Variants in TMEM116 observed in about 807,000 individuals in gnomAD.
TMEM116 encodes transmembrane protein 116.
Under a neutral mutation model 44.3 loss-of-function variants are expected in TMEM116, and 38 were observed. That is an observed-to-expected ratio of 0.86 (90% CI 0.66 to 1.12). TMEM116 has a LOEUF of 1.12. Among genes scored for constraint, TMEM116 ranks in the 50% most tolerant of loss-of-function variants. The probability of loss-of-function intolerance (pLI) is 0.00; values close to 1 mark genes in which losing one functional copy is unlikely to be tolerated. For synonymous variants in TMEM116, 132 were observed against 144.8 expected, an observed-to-expected ratio of 0.91 and a Z score of 0.64; for missense variants, 354 against 401.7, an observed-to-expected ratio of 0.88 and a Z score of 1.01.
At chr12:112,004,173 G>C (rs2077442992) in intron 2 of TMEM116, among the ~76,000 whole-genome samples, 1 of 152,024 alleles carries the variant, frequency 6.6e-6, no homozygotes, top group Non-Finnish European at 1.5e-5. Flanking sequence ...TAGTGATAGG[G>C]TCTTGCTATG....
Position 111,936,697 on chromosome 12 carries a change from T to C in TMEM116, c.583A>G (p.Ile195Val). Residue 195 changes from isoleucine (I) to valine (V), a missense_variant, in exon 8 of 11, where the codon ATT (isoleucine) becomes GTT (valine). Coordinates refer to ENST00000552374, the MANE Select transcript of TMEM116 (RefSeq NM_001193531.2). Reference protein sequence around the residue: ...LGSFVLSLLTIMVLLIRAQTL... With the variant: ...LGSFVLSLLTVMVLLIRAQTL... ...AAGGTAGGGTGGTACCATACCATAA[T>C]GGTAAGGAGGCTGAGTACAAAGCTG... The C allele has an allele frequency of 6.2e-7, 1 of 1,613,778 alleles. No individual in the cohort carries two copies. Among genetic ancestry groups the C allele is most frequent in the Non-Finnish European group, 8.5e-7 (1 of 1,179,882 alleles).
chr12:111,979,962 C>T (rs1319294415), intron 4 of TMEM116, among the ~76,000 whole-genome samples: 1 of 152,176 alleles, frequency 6.6e-6, no homozygotes, highest in Non-Finnish European at 1.5e-5. Context: ...AGTAGAAACT[C>T]TCATTTATTG....
At chr12:111,999,269 T>A (rs542719585) in intron 3 of TMEM116, among the ~76,000 whole-genome samples, 1 of 152,316 alleles carries the variant, frequency 6.6e-6, no homozygotes, top group South Asian at 2.1e-4. Flanking sequence ...CAAATGTTCT[T>A]CTATTTACAA....
intron 9 of TMEM116, 22 bp downstream of exon 9, chr12:111,933,864 T>A (rs1288049281): frequency 6.2e-7 from 1 of 1,613,080 alleles, no homozygotes; most frequent in South Asian, 1.1e-5. Flanking sequence ...TCACTGCCCA[T>A]CTCTTCTTGT....
At chr12:111,987,554 CA>C (rs2076294038) in intron 4 of TMEM116, among the ~76,000 whole-genome samples, 1 of 150,670 alleles carries the variant, frequency 6.6e-6, no homozygotes, top group South Asian at 2.1e-4. Flanking sequence ...GACATTTCTT[CA>C]GAAGATATAT....
intron 5 of TMEM116, among the ~76,000 whole-genome samples, chr12:111,939,265 C>T (rs896219416): frequency 2.0e-5 from 3 of 151,692 alleles, no homozygotes; most frequent in African/African-American, 7.3e-5. Context: ...CCATCTGGGC[C>T]AACATAGTGA....
chr12:111,993,974 A>G lies in TMEM116; in HGVS notation c.79-2085T>C, dbSNP rs1335181844. ...CTGACTGCACTACAGTAGTTTATCTATGATTCTGTGAAGGTCTACTTCAGC... is the reference window on the plus strand; with the variant it reads ...CTGACTGCACTACAGTAGTTTATCTGTGATTCTGTGAAGGTCTACTTCAGC... On this transcript the variant is annotated intron_variant, in intron 3 of 10. Transcript: ENST00000552374. 3 of 597,318 alleles carry G rather than the reference A, an allele frequency of 5.0e-6. No homozygotes were observed. The Admixed American group carries it at 5.9e-5, about 12-fold the overall frequency. The allele number at this position is 597,318 out of a possible 1,614,324, so 37.0% of individuals were successfully genotyped here.
chr12:111,980,272 G>A (rs1180257423), intron 4 of TMEM116, among the ~76,000 whole-genome samples: 3 of 152,072 alleles, frequency 2.0e-5, no homozygotes, highest in African/African-American at 7.2e-5. Context: ...AAAAGACCTG[G>A]AAGAACCTTA....
chr12:111,932,656 A>T lies in TMEM116; in HGVS notation c.737T>A (p.Val246Asp). ...AGTCAGCTTTATGATCATTAGAATG[A>T]CAGCTGTGAATACACAAAGTGTAAA... ...VAFFCCWGPA[V>D]ILMIIKLTKP... Residue 246 changes from valine (V) to aspartate (D), a missense_variant, in exon 10 of 11, where the codon GTC (valine) becomes GAC (aspartate). By Grantham distance (152) the Val-to-Asp change is radical. Transcript: ENST00000552374. The T allele has an allele frequency of 1.9e-6, 3 of 1,613,980 alleles. No homozygotes were observed. Among genetic ancestry groups the T allele is most frequent in the South Asian group, 2.2e-5 (2 of 91,082 alleles).
At chr12:111,998,225 G>A (rs531657863) in intron 3 of TMEM116, among the ~76,000 whole-genome samples, 28 of 152,282 alleles carry the variant, frequency 1.8e-4, no homozygotes, top group South Asian at 1.5e-3. Context: ...GTGAGTGACC[G>A]TGGTATGTAA....
chr12:111,944,776 A>C (rs1465591285), intron 4 of TMEM116, among the ~76,000 whole-genome samples: 3 of 152,220 alleles, frequency 2.0e-5, no homozygotes, highest in African/African-American at 7.2e-5. Context: ...CCTAAAGCTC[A>C]CACAGGGCCA....
intron 4 of TMEM116, among the ~76,000 whole-genome samples, chr12:111,964,687 A>T (rs1657593883): frequency 6.6e-6 from 1 of 152,024 alleles, no homozygotes; most frequent in Non-Finnish European, 1.5e-5. Context: ...AAGGACAAAG[A>T]TTTATTTTCT....
At chr12:111,947,042 G>A (rs2073340802) in intron 4 of TMEM116, among the ~76,000 whole-genome samples, 1 of 151,590 alleles carries the variant, frequency 6.6e-6, no homozygotes, top group Non-Finnish European at 1.5e-5. Context: ...CTTGATAACT[G>A]GCCTAAAAAA....
chr12:111,965,000 C>T (rs766526936), intron 4 of TMEM116, among the ~76,000 whole-genome samples: 5 of 152,136 alleles, frequency 3.3e-5, no homozygotes, highest in Admixed American at 1.3e-4. Flanking sequence ...AGGTAAAGAG[C>T]AAAGAGTTTT....
chr12:112,002,221 G>A (rs956786549), intron 3 of TMEM116, among the ~76,000 whole-genome samples: 1 of 152,064 alleles, frequency 6.6e-6, no homozygotes, highest in South Asian at 2.1e-4. Flanking sequence ...CCAGCACTTT[G>A]GGAGGTCCAG....
chr12:111,978,088 T>C (rs2075762986), intron 4 of TMEM116, among the ~76,000 whole-genome samples: 1 of 150,536 alleles, frequency 6.6e-6, no homozygotes, highest in Non-Finnish European at 1.5e-5. Context: ...ACATAGTGAC[T>C]GTTAGAGTAG....
intron 4 of TMEM116, among the ~76,000 whole-genome samples, chr12:111,991,525 A>AG (rs34980599): frequency 0.21 from 26,961 of 131,140 alleles, 2,563 homozygotes; most frequent in East Asian, 0.53. Flanking sequence ...TCTGTCTCAG[A>AG]AAAAAAAAAA....
At chr12:111,984,033 T>A (rs1014885760) in intron 4 of TMEM116, among the ~76,000 whole-genome samples, 3 of 152,096 alleles carry the variant, frequency 2.0e-5, no homozygotes, top group Non-Finnish European at 4.4e-5. Context: ...AAAAATCAAT[T>A]AATATATCAC....
intron 4 of TMEM116, among the ~76,000 whole-genome samples, chr12:111,972,604 T>TGTG (rs1321436565): frequency 2.0e-5 from 3 of 151,996 alleles, no homozygotes; most frequent in African/African-American, 7.3e-5. Flanking sequence ...TCTTGCCGGG[T>TGTG]GTGGTGGCTC....
Sources: gnomAD v4.1 joint callset for allele counts (sites outside exome capture counted in the v4.1 genomes callset) on GRCh38, gnomAD v4.1.1 for gene constraint, MANE v1.5 for transcripts, NCBI Gene and HGNC (gene_info 2026-07-23, HGNC 2026-07-21) for gene names.